Variants in HS2ST1 observed in about 807,000 individuals in gnomAD.
The protein encoded by HS2ST1 is 2-O-sulfotransferase.
Under a neutral mutation model 42.9 loss-of-function variants are expected in HS2ST1, and 18 were observed. The ratio of observed to expected loss-of-function variants is 0.42; its 90% confidence interval spans 0.29 to 0.62. HS2ST1 has a LOEUF of 0.62. HS2ST1 is among the 20% of genes least tolerant of loss of function. The pLI, the probability that HS2ST1 is intolerant of heterozygous loss-of-function variation, is 0.21. For missense variants in HS2ST1, 334 were observed against 433.8 expected, an observed-to-expected ratio of 0.77 and a Z score of 2.04; for synonymous variants, 146 against 152.9, an observed-to-expected ratio of 0.95 and a Z score of 0.33.
chr1:87,006,920 A>G (rs754930361), intron 1 of HS2ST1, among the ~76,000 whole-genome samples: 1 of 152,148 alleles, frequency 6.6e-6, no homozygotes, highest in African/African-American at 2.4e-5. Flanking sequence ...TCCTTTCATT[A>G]TACGGCTGCT....
Position 86,914,866 on chromosome 1 carries a change from G to GGGGGAGGGGGACTGGAGAGGC in HS2ST1, c.-169_-149dup. 1 of 713,194 alleles carries GGGGGAGGGGGACTGGAGAGGC rather than the reference G, an allele frequency of 1.4e-6. No individual in the cohort carries two copies. The highest frequency in any genetic ancestry group is 2.3e-6 in the Non-Finnish European group (1 of 437,456). 44.2% of individuals were successfully genotyped at this position (713,194 alleles called of 1,614,324 possible). On this transcript the variant is annotated 5_prime_UTR_variant, in exon 1 of 7. Transcript: ENST00000370550. ...ACCAGCGGCGTTGGTGATAGCGCCT[G>GGGGGAGGGGGACTGGAGAGGC]GGGGAGGGGGACTGGAGAGGCGAGA...
intron 1 of HS2ST1, among the ~76,000 whole-genome samples, chr1:86,988,974 A>G (rs1648869406): frequency 6.6e-6 from 1 of 152,242 alleles, no homozygotes; most frequent in Non-Finnish European, 1.5e-5. Flanking sequence ...AACGAGACTG[A>G]TCATTCATGG....
chr1:86,985,383 T>TATATATACAC lies in HS2ST1; in HGVS notation c.124+70224_124+70225insTATATACACA, dbSNP rs1413099470. Among the ~76,000 whole-genome samples the TATATATACAC allele has an allele frequency of 1.5e-3, 66 of 44,626 alleles. 2 individuals carry two copies. The highest frequency in any genetic ancestry group is 4.4e-3 in the East Asian group (1 of 226). The allele number at this position is 44,626 out of a possible 152,430, so 29.3% of individuals were successfully genotyped here. A position where few individuals can be genotyped will look rare whatever the true frequency, so the allele number is the denominator to read the frequency against. Reference sequence around the variant, plus strand: ...AAAAAAAAAAGTATATATATATATATACACACACACACACACATATATATA... The same window carrying TATATATACAC: ...AAAAAAAAAAGTATATATATATATATATATATACACACACACACACACACACATATATATA... On this transcript the variant is annotated intron_variant, in intron 1 of 6. Transcript: ENST00000370550.
chr1:87,092,138 A>G (rs973544505), intron 3 of HS2ST1, among the ~76,000 whole-genome samples: 3 of 152,090 alleles, frequency 2.0e-5, no homozygotes, highest in African/African-American at 7.2e-5. Flanking sequence ...AAGTTTGCTT[A>G]AAAATTATAA....
At chr1:87,070,567 G>A (rs770208992) in intron 1 of HS2ST1, among the ~76,000 whole-genome samples, 5 of 152,140 alleles carry the variant, frequency 3.3e-5, no homozygotes, top group Non-Finnish European at 5.9e-5. Flanking sequence ...ACTCCAGCCT[G>A]GGTGACAGAG....
chr1:86,996,920 G>C (rs116303054), intron 1 of HS2ST1, among the ~76,000 whole-genome samples: 1 of 152,116 alleles, frequency 6.6e-6, no homozygotes, highest in Non-Finnish European at 1.5e-5. Flanking sequence ...TGAGTACTTT[G>C]TATCAAATGA....
chr1:87,088,665 C>T (rs1651869563), intron 3 of HS2ST1, among the ~76,000 whole-genome samples: 1 of 152,054 alleles, frequency 6.6e-6, no homozygotes, highest in Non-Finnish European at 1.5e-5. Flanking sequence ...TGCCACCAAA[C>T]CAACAGTGTT....
At chr1:86,918,381 G>A (rs1421816165) in intron 1 of HS2ST1, among the ~76,000 whole-genome samples, 3 of 152,002 alleles carry the variant, frequency 2.0e-5, no homozygotes, top group Non-Finnish European at 4.4e-5. Flanking sequence ...ATTAATAATA[G>A]CTGTATAATA....
chr1:86,988,374 A>G (rs1385242048), intron 1 of HS2ST1, among the ~76,000 whole-genome samples: 2 of 152,212 alleles, frequency 1.3e-5, no homozygotes, highest in Admixed American at 6.5e-5. Context: ...GTAGATCCAG[A>G]CATTCTGCTT....
chr1:87,072,114 G>C (rs1047509892), intron 1 of HS2ST1, among the ~76,000 whole-genome samples: 1 of 152,120 alleles, frequency 6.6e-6, no homozygotes, highest in Non-Finnish European at 1.5e-5. Flanking sequence ...AAATGTAACT[G>C]CTTTTGAAAC....
intron 1 of HS2ST1, among the ~76,000 whole-genome samples, chr1:86,950,469 T>C (rs1214991149): frequency 6.6e-6 from 1 of 152,178 alleles, no homozygotes; most frequent in Non-Finnish European, 1.5e-5. Context: ...GGTCTTGGAC[T>C]GGAGGACAAA....
At chr1:86,978,984 C>T (rs111829860) in intron 1 of HS2ST1, among the ~76,000 whole-genome samples, 16,989 of 150,980 alleles carry the variant, frequency 0.11, 1,039 homozygotes, top group African/African-American at 0.14. Flanking sequence ...ACCTCAGCAC[C>T]CCAAGTAGCT....
intron 1 of HS2ST1, among the ~76,000 whole-genome samples, chr1:87,071,406 G>C (rs1265747828): frequency 6.6e-6 from 1 of 152,176 alleles, no homozygotes; most frequent in African/African-American, 2.4e-5. Context: ...AATATAGTGA[G>C]ACATGTAGTA....
chr1:86,990,025 CAT>C (rs1001608403), intron 1 of HS2ST1, among the ~76,000 whole-genome samples: 9 of 152,030 alleles, frequency 5.9e-5, no homozygotes, highest in African/African-American at 2.2e-4. Flanking sequence ...CCGCAGTAAA[CAT>C]GTGTGTGCAT....
At chr1:87,025,523 C>A (rs971462890) in intron 1 of HS2ST1, among the ~76,000 whole-genome samples, 4 of 152,140 alleles carry the variant, frequency 2.6e-5, no homozygotes, top group Non-Finnish European at 5.9e-5. Flanking sequence ...GACACAATAG[C>A]TTGACAAATG....
In HS2ST1 at chr1:87,092,519, G is replaced by A; in HGVS notation, c.450-12G>A. 6 of 1,524,960 alleles carry A rather than the reference G, an allele frequency of 3.9e-6. No homozygotes were observed. The highest frequency in any genetic ancestry group is 5.3e-6 in the Non-Finnish European group (6 of 1,141,930). The allele number at this position is 1,524,960 out of a possible 1,614,324, so 94.5% of individuals were successfully genotyped here. ...ATGTTGATTTCACCTTTGAAATTTTGTTGTATTTCAGATTTGGTGTGAAGA... is the reference window on the plus strand; with the variant it reads ...ATGTTGATTTCACCTTTGAAATTTTATTGTATTTCAGATTTGGTGTGAAGA... On this transcript the variant is annotated splice_polypyrimidine_tract_variant and intron_variant, in intron 3 of 6. Transcript: ENST00000370550.
intron 1 of HS2ST1, among the ~76,000 whole-genome samples, chr1:87,067,124 C>T (rs1651273558): frequency 6.6e-6 from 1 of 152,206 alleles, no homozygotes; most frequent in Non-Finnish European, 1.5e-5. Flanking sequence ...ATTTCTGGTT[C>T]TAGATCCTTG....
At chr1:87,005,137 G>T (rs970550887) in intron 1 of HS2ST1, among the ~76,000 whole-genome samples, 2 of 152,024 alleles carry the variant, frequency 1.3e-5, no homozygotes, top group African/African-American at 4.8e-5. Flanking sequence ...TTTTAAAGTT[G>T]ATATCTTTTG....
At chr1:86,935,788 C>T (rs61800755) in intron 1 of HS2ST1, among the ~76,000 whole-genome samples, 17,404 of 152,060 alleles carry the variant, frequency 0.11, 1,060 homozygotes, top group Non-Finnish European at 0.13. Flanking sequence ...GTCTCATTTA[C>T]AGAAGTTTCT....
Sources: gnomAD v4.1 joint callset for allele counts (sites outside exome capture counted in the v4.1 genomes callset) on GRCh38, gnomAD v4.1.1 for gene constraint, MANE v1.5 for transcripts, NCBI Gene and HGNC (gene_info 2026-07-23, HGNC 2026-07-21) for gene names.